Variants in ASIC2 observed in about 807,000 individuals in gnomAD.
ASIC2 encodes acid sensing ion channel subunit 2, also known as acid-sensing ion channel 2.
In ASIC2, 25 loss-of-function variants were observed where a neutral mutation model predicts 57.3. That is an observed-to-expected ratio of 0.44 (90% CI 0.32 to 0.61). ASIC2 has a LOEUF of 0.61. ASIC2 is among the 20% of genes least tolerant of loss of function. ASIC2 has a pLI of 0.06. For synonymous variants in ASIC2, 319 were observed against 307.5 expected, an observed-to-expected ratio of 1.04 and a Z score of -0.39; for missense variants, 641 against 738.1, an observed-to-expected ratio of 0.87 and a Z score of 1.52.
chr17:34,061,423 T>A (rs1318440982), intron 1 of ASIC2, among the ~76,000 whole-genome samples: 2 of 152,116 alleles, frequency 1.3e-5, no homozygotes, highest in Non-Finnish European at 2.9e-5. Context: ...ACGGGACCTA[T>A]AAAACAGAAA....
chr17:33,170,412 T>C (rs1243879744), intron 1 of ASIC2, among the ~76,000 whole-genome samples: 9 of 152,158 alleles, frequency 5.9e-5, no homozygotes. Flanking sequence ...GACTAGGAGA[T>C]GTGAGAGTGG....
intron 1 of ASIC2, among the ~76,000 whole-genome samples, chr17:33,123,690 C>G (rs1308756231): frequency 6.6e-6 from 1 of 152,204 alleles, no homozygotes; most frequent in South Asian, 2.1e-4. Flanking sequence ...GTGAACTTCG[C>G]TTTCCCCGCG....
chr17:33,914,982 G>T (rs1413247600), intron 1 of ASIC2, among the ~76,000 whole-genome samples: 2 of 152,212 alleles, frequency 1.3e-5, no homozygotes, highest in Non-Finnish European at 2.9e-5. Context: ...CATATGGTCT[G>T]CTGTGGCTGT....
intron 1 of ASIC2, among the ~76,000 whole-genome samples, chr17:33,948,848 A>T (rs1441083244): frequency 6.6e-6 from 1 of 152,236 alleles, no homozygotes; most frequent in Non-Finnish European, 1.5e-5. Flanking sequence ...ATGAAGAAGA[A>T]GGCAATGACT....
At position 33,156,718 on chromosome 17, in the gene ASIC2, T is replaced by C. The variant is rs369227031; in HGVS notation, c.709-44651A>G. Among the ~76,000 whole-genome samples, 76 of 152,102 alleles carry C rather than the reference T, an allele frequency of 5.0e-4. 1 individual carries two copies. The highest frequency in any genetic ancestry group is 1.8e-3 in the African/African-American group (74 of 41,504). On this transcript the variant is annotated intron_variant, in intron 1 of 9. Transcript: ENST00000225823. ...TTGCAGTGAGCCGAGATTGTGACAC[T>C]GCACTCCAGCCTGGGCGACAGAGCG...
At chr17:33,464,540 C>CTCTCTCTT (rs1912781765) in intron 1 of ASIC2, among the ~76,000 whole-genome samples, 1 of 49,368 alleles carries the variant, frequency 2.0e-5, no homozygotes, top group Non-Finnish European at 4.0e-5. Flanking sequence ...TTCTTTCTTT[C>CTCTCTCTT]TCTTTCTTTC....
intron 1 of ASIC2, among the ~76,000 whole-genome samples, chr17:33,973,568 G>A (rs1567774738): frequency 6.6e-6 from 1 of 152,184 alleles, no homozygotes. Flanking sequence ...TTCAATTACA[G>A]TGTCACACCA....
chr17:33,155,714 C>A (rs1047910519), intron 1 of ASIC2, among the ~76,000 whole-genome samples: 2 of 151,518 alleles, frequency 1.3e-5, no homozygotes, highest in Admixed American at 1.3e-4. Flanking sequence ...CGCCTGCTAC[C>A]ACACCCAGCT....
chr17:33,786,854 A>T (rs1050301095), intron 1 of ASIC2, among the ~76,000 whole-genome samples: 1 of 152,226 alleles, frequency 6.6e-6, no homozygotes, highest in Non-Finnish European at 1.5e-5. Context: ...GGCATTTTGC[A>T]TGAAGAGTCT....
chr17:33,597,690 G>A (rs967247687), intron 1 of ASIC2, among the ~76,000 whole-genome samples: 1 of 152,146 alleles, frequency 6.6e-6, no homozygotes, highest in African/African-American at 2.4e-5. Context: ...AGCGATGGAA[G>A]AGACTTTAGA....
At chr17:33,078,154 G>A (rs2092097422) in intron 3 of ASIC2, among the ~76,000 whole-genome samples, 1 of 152,050 alleles carries the variant, frequency 6.6e-6, no homozygotes, top group African/African-American at 2.4e-5. Flanking sequence ...ATAGACATTA[G>A]GGCTCCTTTC....
intron 1 of ASIC2, among the ~76,000 whole-genome samples, chr17:33,310,964 G>A (rs182347490): frequency 6.6e-6 from 1 of 152,166 alleles, no homozygotes; most frequent in Non-Finnish European, 1.5e-5. Context: ...CACAAAGCCT[G>A]ATTTTACAGC....
At chr17:33,218,769 C>T (rs757411508) in intron 1 of ASIC2, among the ~76,000 whole-genome samples, 8 of 152,118 alleles carry the variant, frequency 5.3e-5, no homozygotes, top group African/African-American at 1.7e-4. Context: ...ACGGTAAATC[C>T]GATCAGGTTG....
chr17:34,112,725 T>G (rs1911312470), intron 1 of ASIC2, among the ~76,000 whole-genome samples: 2 of 151,928 alleles, frequency 1.3e-5, no homozygotes, highest in Admixed American at 6.5e-5. Flanking sequence ...TGGGTAGTGA[T>G]GCTCCCTGAA....
chr17:33,450,372 C>T (rs945270474), intron 1 of ASIC2, among the ~76,000 whole-genome samples: 2 of 152,194 alleles, frequency 1.3e-5, no homozygotes, highest in Admixed American at 6.5e-5. Flanking sequence ...AGCCTACTTT[C>T]AGTAAAGCCT....
At chr17:33,995,903 A>T (rs1406080264) in intron 1 of ASIC2, among the ~76,000 whole-genome samples, 1 of 152,206 alleles carries the variant, frequency 6.6e-6, no homozygotes, top group Non-Finnish European at 1.5e-5. Flanking sequence ...CAAAAGAGTT[A>T]ATCTTTTAAG....
chr17:33,755,843 G>A (rs1274975838), intron 1 of ASIC2, among the ~76,000 whole-genome samples: 1 of 152,250 alleles, frequency 6.6e-6, no homozygotes, highest in Non-Finnish European at 1.5e-5. Flanking sequence ...CAGAGGAGAT[G>A]TTGCAGCAGC....
intron 1 of ASIC2, among the ~76,000 whole-genome samples, chr17:33,302,236 T>TA (rs1468729333): frequency 3.7e-4 from 56 of 152,324 alleles, no homozygotes; most frequent in African/African-American, 1.3e-3. Flanking sequence ...CCCATACACA[T>TA]AACAAAACTC....
At chr17:33,209,332 T>G (rs1369815986) in intron 1 of ASIC2, among the ~76,000 whole-genome samples, 1 of 152,194 alleles carries the variant, frequency 6.6e-6, no homozygotes, top group African/African-American at 2.4e-5. Flanking sequence ...AGTCTATAGG[T>G]CAGCCATACA....
Sources: allele counts gnomAD v4.1 joint callset (sites outside exome capture counted in the v4.1 genomes callset), GRCh38; gene constraint gnomAD v4.1.1; transcripts MANE v1.5; gene names NCBI Gene and HGNC (gene_info 2026-07-23, HGNC 2026-07-21).